The following CDH18 variants were observed in gnomAD, a reference collection of about 807,000 sequenced individuals.
CDH18 encodes cadherin 18.
In CDH18, 31 loss-of-function variants were observed where a neutral mutation model predicts 67.9. The observed-to-expected ratio is 0.46, with a 90% CI of 0.34 to 0.62. The LOEUF is 0.62. Among genes scored for constraint, CDH18 ranks in the 20% least tolerant of loss-of-function variants. The probability of loss-of-function intolerance (pLI) is 0.01; values close to 1 mark genes in which losing one functional copy is unlikely to be tolerated. For missense variants in CDH18, 890 were observed against 975.5 expected (o/e 0.91, Z 1.17); for synonymous variants, 362 against 347.2 (o/e 1.04, Z -0.48).
At position 19,897,357 on chromosome 5, in the gene CDH18, A is replaced by C. The variant is rs530978623; in HGVS notation, c.-256-58115T>G. Among the ~76,000 whole-genome samples, 3 of 152,284 alleles carry C rather than the reference A, an allele frequency of 2.0e-5. No individual in the cohort carries two copies. The South Asian group carries it at 6.2e-4, about 32-fold the overall frequency. On this transcript the variant is annotated intron_variant, in intron 2 of 12. Coordinates refer to ENST00000382275, the MANE Select transcript of CDH18 (RefSeq NM_004934.5). ...ATTTATTAATTATCAAGGAAATGTG[A>C]ATGAAGACCACAAGGTGATACCACT... is the stretch of plus-strand genomic sequence containing the variant.
At chr5:20,435,914 T>C (rs970509703) in intron 1 of CDH18, among the ~76,000 whole-genome samples, 2 of 152,050 alleles carry the variant, frequency 1.3e-5, no homozygotes, top group Non-Finnish European at 2.9e-5. Flanking sequence ...ATTATTGATA[T>C]CATTATTATC....
intron 8 of CDH18, among the ~76,000 whole-genome samples, chr5:19,549,035 C>T (rs940625799): frequency 1.3e-5 from 2 of 152,196 alleles, no homozygotes; most frequent in Non-Finnish European, 2.9e-5. Flanking sequence ...GCCTGAACTA[C>T]TGTGCCTGGC....
chr5:20,319,875 G>T (rs1201604973), intron 1 of CDH18, among the ~76,000 whole-genome samples: 1 of 152,148 alleles, frequency 6.6e-6, no homozygotes, highest in Non-Finnish European at 1.5e-5. Context: ...CCCACTCCTG[G>T]TTTGGTACTC....
chr5:20,503,315 C>T (rs1488767509), intron 1 of CDH18, among the ~76,000 whole-genome samples: 3 of 151,212 alleles, frequency 2.0e-5, no homozygotes, highest in Non-Finnish European at 2.9e-5. Flanking sequence ...GAAAACTAAA[C>T]CCACTAATTG....
At chr5:19,788,303 G>A (rs928362680) in intron 3 of CDH18, among the ~76,000 whole-genome samples, 2 of 152,106 alleles carry the variant, frequency 1.3e-5, no homozygotes, top group African/African-American at 4.8e-5. Context: ...CAAAAAAAGA[G>A]AATTCATTCA....
intron 1 of CDH18, among the ~76,000 whole-genome samples, chr5:20,439,722 C>A (rs905507324): frequency 1.3e-5 from 2 of 151,680 alleles, no homozygotes; most frequent in African/African-American, 4.9e-5. Flanking sequence ...GTAAAATCTC[C>A]ACTTTTTTAA....
intron 1 of CDH18, among the ~76,000 whole-genome samples, chr5:20,469,850 C>T (rs1184369074): frequency 6.6e-6 from 1 of 152,166 alleles, no homozygotes; most frequent in Non-Finnish European, 1.5e-5. Flanking sequence ...CCTCACTATC[C>T]CTTTTGCTGT....
intron 3 of CDH18, among the ~76,000 whole-genome samples, chr5:19,792,368 T>C (rs967003874): frequency 2.0e-5 from 3 of 152,150 alleles, no homozygotes; most frequent in African/African-American, 7.2e-5. Context: ...GCTTTCCTGG[T>C]TCTCAAGTCT....
chr5:19,825,218 T>C (rs1050784806), intron 3 of CDH18, among the ~76,000 whole-genome samples: 5 of 152,042 alleles, frequency 3.3e-5, no homozygotes, highest in African/African-American at 1.2e-4. Flanking sequence ...GATGGCAGGG[T>C]GGGTGACTCA....
intron 5 of CDH18, among the ~76,000 whole-genome samples, chr5:19,693,923 A>T (rs1037602063): frequency 1.3e-5 from 2 of 150,682 alleles, no homozygotes; most frequent in African/African-American, 4.9e-5. Flanking sequence ...AGATTATGAC[A>T]GGAGGCCTCT....
intron 2 of CDH18, among the ~76,000 whole-genome samples, chr5:20,027,910 T>C (rs1739057000): frequency 6.6e-6 from 1 of 152,232 alleles, no homozygotes; most frequent in Non-Finnish European, 1.5e-5. Flanking sequence ...GAGTGGCCTT[T>C]GCCCTTATCA....
chr5:19,889,719 T>A (rs920838343), intron 2 of CDH18, among the ~76,000 whole-genome samples: 2 of 152,082 alleles, frequency 1.3e-5, no homozygotes, highest in Non-Finnish European at 2.9e-5. Flanking sequence ...AAAAATGAGA[T>A]CTAGCAATTT....
At chr5:19,999,605 A>T (rs943924124) in intron 2 of CDH18, among the ~76,000 whole-genome samples, 2 of 152,186 alleles carry the variant, frequency 1.3e-5, no homozygotes, top group Admixed American at 6.5e-5. Flanking sequence ...TCTGTCTCAA[A>T]AATAATAATA....
chr5:20,227,805 A>G lies in CDH18; in HGVS notation c.-518+27639T>C, dbSNP rs999126625. 5.5e-5 allele frequency among the ~76,000 whole-genome samples: 8 copies of G among 145,318 alleles called. No homozygotes were observed. In the Admixed American group the frequency reaches 5.5e-4, roughly 10 times the overall value. The stretch of plus-strand genomic sequence containing the variant: ...GCTCAGTCTCTATCAGTATTTTAAA[A>G]TGTATCCAGATTTCTTCCATCTAAT... On this transcript the variant is annotated intron_variant, in intron 2 of 14. Coordinates refer to the CDH18 transcript ENST00000507958.
chr5:20,222,058 A>C (rs112404847), intron 2 of CDH18, among the ~76,000 whole-genome samples: 3,548 of 152,164 alleles, frequency 0.023, 127 homozygotes, highest in African/African-American at 0.08. Context: ...TCCCTGGACC[A>C]CCTTGGTTTA....
At chr5:20,547,573 A>AT (rs1232010779) in intron 1 of CDH18, among the ~76,000 whole-genome samples, 1 of 151,772 alleles carries the variant, frequency 6.6e-6, no homozygotes, top group African/African-American at 2.4e-5. Flanking sequence ...AAAAAAAAAA[A>AT]GAATCAAACT....
intron 4 of CDH18, among the ~76,000 whole-genome samples, chr5:19,740,176 C>G (rs1373335060): frequency 2.0e-5 from 3 of 152,078 alleles, no homozygotes; most frequent in Non-Finnish European, 4.4e-5. Context: ...TTAAAAAGTA[C>G]TATTTCTATA....
chr5:20,421,245 T>C (rs1034183774), intron 1 of CDH18, among the ~76,000 whole-genome samples: 6 of 151,138 alleles, frequency 4.0e-5, no homozygotes, highest in Non-Finnish European at 1.5e-5. Context: ...TAAAAGCTCT[T>C]GCACTTCCGC....
At chr5:19,992,298 T>C (rs951581206), upstream of CDH18, among the ~76,000 whole-genome samples, 7 of 152,220 alleles carry the variant, frequency 4.6e-5, no homozygotes, top group East Asian at 1.3e-3. Flanking sequence ...CAATTTCTAT[T>C]ACACACATAT....
Sources: gnomAD v4.1 joint callset for allele counts (sites outside exome capture counted in the v4.1 genomes callset) on GRCh38, gnomAD v4.1.1 for gene constraint, MANE v1.5 for transcripts, NCBI Gene and HGNC (gene_info 2026-07-23, HGNC 2026-07-21) for gene names.